The following SPTBN1 variants were observed in gnomAD, a reference collection of about 807,000 sequenced individuals.
SPTBN1 encodes the protein spectrin beta chain, non-erythrocytic 1.
Under a neutral mutation model 266.4 loss-of-function variants are expected in SPTBN1, and 32 were observed. The ratio of observed to expected loss-of-function variants is 0.12; its 90% CI spans 0.09 to 0.16. The LOEUF (loss-of-function observed/expected upper bound fraction) is 0.16. Among genes scored for constraint, SPTBN1 ranks in the 10% least tolerant of loss-of-function variants. The pLI is 1.00. For synonymous variants in SPTBN1, 1,336 were observed against 1,162.2 expected, an observed-to-expected ratio of 1.15 and a Z score of -3.04; for missense variants, 2,296 against 3,067.1, an observed-to-expected ratio of 0.75 and a Z score of 5.94.
intron 2 of SPTBN1, among the ~76,000 whole-genome samples, chr2:54,544,067 C>T (rs2104406634): frequency 6.6e-6 from 1 of 152,320 alleles, no homozygotes; most frequent in East Asian, 1.9e-4. Flanking sequence ...GTATCACTTT[C>T]ATCTTGGAGA....
At chr2:54,485,414 A>G (rs1668308861) in intron 1 of SPTBN1, among the ~76,000 whole-genome samples, 1 of 152,182 alleles carries the variant, frequency 6.6e-6, no homozygotes, top group Non-Finnish European at 1.5e-5. Flanking sequence ...GCTGGTCTCC[A>G]GCTCCTAACC....
intron 2 of SPTBN1, among the ~76,000 whole-genome samples, chr2:54,593,823 CTTT>C (rs374877354): frequency 0.032 from 2,037 of 64,600 alleles, 26 homozygotes; most frequent in South Asian, 0.077. Flanking sequence ...CATGGAAACA[CTTT>C]TTTTTTTTTT....
intron 2 of SPTBN1, among the ~76,000 whole-genome samples, chr2:54,538,822 G>A (rs1671766766): frequency 6.6e-6 from 1 of 152,226 alleles, no homozygotes; most frequent in South Asian, 2.1e-4. Flanking sequence ...TCACAAGATT[G>A]TGTCTTTAGG....
At position 54,533,939 on chromosome 2, in the gene SPTBN1, C is replaced by T. The variant is rs4671953; in HGVS notation, c.148+7373C>T. 0.76 allele frequency among the ~76,000 whole-genome samples: 115,038 copies of T among 151,282 alleles called. 44,504 individuals carry two copies. The highest frequency in any genetic ancestry group is 0.92 in the African/African-American group (38,224 of 41,368). On this transcript the variant is annotated intron_variant, in intron 2 of 35. Transcript: ENST00000356805. The surrounding 1 kb of genome is among the most constrained non-coding windows in gnomAD (Gnocchi z 4.2). ...ACACACACACACACGCACGCACGCA[C>T]ACAAACACACACACCCCAGTCATTT... is the stretch of plus-strand genomic sequence containing the variant.
intron 2 of SPTBN1, among the ~76,000 whole-genome samples, chr2:54,563,396 T>C (rs1034957147): frequency 2.6e-5 from 4 of 152,146 alleles, no homozygotes; most frequent in Non-Finnish European, 2.9e-5. Flanking sequence ...TCAGTGCGTT[T>C]GCACCAGGAG....
At chr2:54,530,353 CTTTTTTTTTTTT>C in intron 2 of SPTBN1, among the ~76,000 whole-genome samples, 1 of 73,906 alleles carries the variant, frequency 1.4e-5, no homozygotes, top group African/African-American at 5.3e-5. Flanking sequence ...TTGTAAAAAA[CTTTTTTTTTTTT>C]TTTTTTTTTT....
chr2:54,664,628 A>C lies in SPTBN1; in HGVS notation c.6596A>C (p.Gln2199Pro), dbSNP rs749611933. 1 of 1,614,218 alleles carries C rather than the reference A, an allele frequency of 6.2e-7. No individual in the cohort carries two copies. Among genetic ancestry groups the C allele is most frequent in the East Asian group, 2.2e-5 (1 of 44,884 alleles). ...AGAACCCAGGAGACACCTTCGGCCC[A>C]GATGGAAGGCTTCCTCAATCGGAAA... ...PARTQETPSAQMEGFLNRKHE... is the reference protein window; with the variant it reads ...PARTQETPSAPMEGFLNRKHE... Residue 2199 changes from glutamine (Q) to proline (P), a missense_variant, in exon 33 of 36, where the codon CAG (glutamine) becomes CCG (proline). Transcript: ENST00000356805. The surrounding 1 kb of genome is among the most constrained non-coding windows in gnomAD (Gnocchi z 5.6).
chr2:54,486,321 C>A (rs540693799), intron 1 of SPTBN1, among the ~76,000 whole-genome samples: 16 of 151,900 alleles, frequency 1.1e-4, no homozygotes, highest in Non-Finnish European at 2.1e-4. Flanking sequence ...GGATGGTTGC[C>A]GTGTCTGTGT....
At chr2:54,509,423 A>G (rs979038461) in intron 1 of SPTBN1, among the ~76,000 whole-genome samples, 19 of 152,196 alleles carry the variant, frequency 1.2e-4, no homozygotes, top group Non-Finnish European at 1.5e-4. Context: ...AAGTTATGAG[A>G]ACTATAGAGA....
chr2:54,616,102 C>T, intron 4 of SPTBN1, 105 bp from the exon 5 acceptor site: 1 of 889,310 alleles, frequency 1.1e-6, no homozygotes. Context: ...CAGGGCAAGG[C>T]TATGATCTAC....
At chr2:54,634,510 A>G (rs980051850) in intron 17 of SPTBN1, among the ~76,000 whole-genome samples, 2 of 152,068 alleles carry the variant, frequency 1.3e-5, no homozygotes, top group Non-Finnish European at 2.9e-5. Context: ...GGAGAACTAC[A>G]TTTTCTTATT....
At chr2:54,520,977 C>A (rs1319407256) in intron 1 of SPTBN1, among the ~76,000 whole-genome samples, 1 of 152,086 alleles carries the variant, frequency 6.6e-6, no homozygotes, top group South Asian at 2.1e-4. Flanking sequence ...CCAAGATGGC[C>A]AAGCCTTCCT....
chr2:54,620,076 A>G (rs1677895009), intron 7 of SPTBN1, among the ~76,000 whole-genome samples: 1 of 152,182 alleles, frequency 6.6e-6, no homozygotes, highest in Non-Finnish European at 1.5e-5. Flanking sequence ...AAGACTTGCC[A>G]TTTTAAGTTG....
chr2:54,502,404 TGTGAAGG>T (rs1669323913), intron 1 of SPTBN1, among the ~76,000 whole-genome samples: 1 of 152,196 alleles, frequency 6.6e-6, no homozygotes, highest in Non-Finnish European at 1.5e-5. Flanking sequence ...CCCAGCCCTC[TGTGAAGG>T]GTTGGTTTAC....
Position 54,558,336 on chromosome 2 carries a change from C to G in SPTBN1, c.148+31770C>G, listed in dbSNP as rs890600865. 8.0e-5 allele frequency: 80 copies of G among 995,606 alleles called. No homozygotes were observed. The highest frequency in any genetic ancestry group is 8.5e-5 in the Non-Finnish European group (71 of 836,440). 61.7% of individuals were successfully genotyped at this position (995,606 alleles called of 1,614,324 possible). The stretch of plus-strand genomic sequence containing the variant: ...TCAGGTGACATCACCGCCCAGCACA[C>G]GGCGAGTGGCTCCTGATAAAATTAC... On this transcript the variant is annotated intron_variant, in intron 2 of 35. Transcript: ENST00000356805. This position sits in a 1 kb window ranked among gnomAD's most constrained non-coding sequence, Gnocchi z 4.6.
chr2:54,647,138 A>T lies in SPTBN1; in HGVS notation c.4874A>T (p.Gln1625Leu). The T allele has an allele frequency of 1.9e-6, 3 of 1,614,230 alleles. No homozygotes were observed. Among genetic ancestry groups the T allele is most frequent in the South Asian group, 1.1e-5 (1 of 91,080 alleles). Reference sequence around the variant, plus strand: ...GTTCTCCTGTCTTTGCAGGATGAGCAGAGTGCTGTCTCCATGTTGAAGAAG... The same window carrying T: ...GTTCTCCTGTCTTTGCAGGATGAGCTGAGTGCTGTCTCCATGTTGAAGAAG... ...MMSEEKAKDE[Q>L]SAVSMLKKHQ... Residue 1625 changes from glutamine to leucine, a missense_variant, in exon 24 of 36, where the codon CAG becomes CTG. Coordinates refer to ENST00000356805, the MANE Select transcript of SPTBN1 (RefSeq NM_003128.3).
At position 54,664,013 on chromosome 2, in the gene SPTBN1, A is replaced by G. The variant is rs114170469; in HGVS notation, c.6421-440A>G. ...CCATGTAGCTCTGATAGAGTTGTCT[A>G]TCGGTCTGTTTGTGAATGCCCTTTC... is the stretch of plus-strand genomic sequence containing the variant. On this transcript the variant is annotated intron_variant, in intron 32 of 35. Coordinates refer to ENST00000356805, the MANE Select transcript of SPTBN1 (RefSeq NM_003128.3). This position sits in a 1 kb window ranked among gnomAD's most constrained non-coding sequence, Gnocchi z 5.6. 924 of 155,234 alleles carry G rather than the reference A, an allele frequency of 6.0e-3. 11 individuals carry two copies. The highest frequency in any genetic ancestry group is 0.019 in the African/African-American group (785 of 41,610). 9.6% of individuals were successfully genotyped at this position (155,234 alleles called of 1,614,324 possible). A position where few individuals can be genotyped will look rare whatever the true frequency, so the allele number is the denominator to read the frequency against.
intron 1 of SPTBN1, among the ~76,000 whole-genome samples, chr2:54,471,810 T>A (rs1693937022): frequency 6.7e-6 from 1 of 148,464 alleles, no homozygotes; most frequent in South Asian, 2.1e-4. Context: ...ATTTTTTTTT[T>A]TTTTTTTTTG....
At chr2:54,494,499 A>G (rs1054937554) in intron 1 of SPTBN1, among the ~76,000 whole-genome samples, 3 of 152,254 alleles carry the variant, frequency 2.0e-5, no homozygotes, top group East Asian at 3.8e-4. Flanking sequence ...CTACATGTCC[A>G]TCATGGGTGA....
Sources: allele counts gnomAD v4.1 joint callset (sites outside exome capture counted in the v4.1 genomes callset), GRCh38; gene constraint gnomAD v4.1.1; non-coding constraint Gnocchi (gnomAD v3.1); transcripts MANE v1.5; gene names NCBI Gene and HGNC (gene_info 2026-07-23, HGNC 2026-07-21).